Variants in MAD1L1 observed in about 807,000 individuals in gnomAD.
MAD1L1 encodes mitotic arrest deficient 1 like 1.
Under a neutral mutation model 96.9 loss-of-function variants are expected in MAD1L1, and 95 were observed. The observed-to-expected ratio is 0.98, with a 90% CI of 0.83 to 1.16. The LOEUF (loss-of-function observed/expected upper bound fraction) is 1.16, where lower values mean the gene tolerates loss of function less well. Ranked by LOEUF, MAD1L1 falls within the 50% of genes most tolerant of loss-of-function variation. The pLI is 0.00. For missense variants in MAD1L1, 1,007 were observed against 954.4 expected (o/e 1.06, Z -0.73); for synonymous variants, 473 against 396.6 (o/e 1.19, Z -2.29).
intron 13 of MAD1L1, among the ~76,000 whole-genome samples, chr7:2,005,110 G>A (rs948951492): frequency 6.6e-6 from 1 of 152,144 alleles, no homozygotes; most frequent in Non-Finnish European, 1.5e-5. Context: ...GCTATGGCTC[G>A]GCTCACACGC....
chr7:2,055,478 A>G (rs1784349150), intron 12 of MAD1L1, among the ~76,000 whole-genome samples: 1 of 152,106 alleles, frequency 6.6e-6, no homozygotes, highest in Admixed American at 6.5e-5. Flanking sequence ...AGAGCTACCA[A>G]GTCACACTCA....
At chr7:1,951,141 A>G (rs990429679) in intron 16 of MAD1L1, among the ~76,000 whole-genome samples, 3 of 152,242 alleles carry the variant, frequency 2.0e-5, no homozygotes, top group African/African-American at 7.2e-5. Flanking sequence ...GATGAGCAGG[A>G]GCCCTGGACA....
At chr7:2,164,511 T>C (rs1424443635) in intron 10 of MAD1L1, among the ~76,000 whole-genome samples, 2 of 145,734 alleles carry the variant, frequency 1.4e-5, no homozygotes, top group East Asian at 4.1e-4. Flanking sequence ...GCCTATCAGG[T>C]TGTAGGTCAC....
At chr7:2,174,929 G>A (rs778625251) in intron 10 of MAD1L1, among the ~76,000 whole-genome samples, 13 of 152,062 alleles carry the variant, frequency 8.5e-5, no homozygotes, top group Non-Finnish European at 1.8e-4. Context: ...CGACTGTGAC[G>A]GCCACCTGTA....
Position 2,230,092 on chromosome 7 carries a change from C to G in MAD1L1, c.42G>C (p.Leu14=). 6.2e-7 allele frequency: 1 copy of G among 1,609,494 alleles called. No individual in the cohort carries two copies. Among genetic ancestry groups the G allele is most frequent in the East Asian group, 2.2e-5 (1 of 44,790 alleles). ...LGENTMVLST[L]RSLNNFISQR... ...GAGAGATGAAGTTGTTCAAAGATCTCAGGGTGGATAAAACCATGGTGTTTT... is the reference window on the plus strand; with the variant it reads ...GAGAGATGAAGTTGTTCAAAGATCTGAGGGTGGATAAAACCATGGTGTTTT... Residue 14 remains leucine, a synonymous_variant, in exon 3 of 19, where the codon CTG becomes CTC. Transcript: ENST00000265854.
intron 12 of MAD1L1, among the ~76,000 whole-genome samples, chr7:2,035,256 CGGG>C: frequency 7.2e-6 from 1 of 139,274 alleles, no homozygotes; most frequent in African/African-American, 3.1e-5. Context: ...GGCATGAGCG[CGGG>C]AGCGCTGACA....
chr7:1,928,791 G>A (rs893922920), intron 17 of MAD1L1, among the ~76,000 whole-genome samples: 1 of 152,182 alleles, frequency 6.6e-6, no homozygotes, highest in South Asian at 2.1e-4. Context: ...CGTGAGAGCT[G>A]GGCACTGATT....
intron 17 of MAD1L1, among the ~76,000 whole-genome samples, chr7:1,898,900 C>A (rs571011297): frequency 6.6e-6 from 1 of 152,326 alleles, no homozygotes; most frequent in African/African-American, 2.4e-5. Context: ...TCCTGACCAT[C>A]CATTCCCAGG....
intron 12 of MAD1L1, among the ~76,000 whole-genome samples, chr7:2,061,269 G>A (rs1174814304): frequency 2.6e-5 from 4 of 152,178 alleles, no homozygotes; most frequent in African/African-American, 4.8e-5. Flanking sequence ...CCCGGGAGGC[G>A]GAGGTGGCAG....
At chr7:1,909,229 GCCAGTGGAGGC>G (rs1357602059) in intron 17 of MAD1L1, among the ~76,000 whole-genome samples, 2 of 152,184 alleles carry the variant, frequency 1.3e-5, no homozygotes, top group Admixed American at 6.5e-5. Flanking sequence ...GACACAGGAA[GCCAGTGGAGGC>G]CCAGGGCTGG....
At chr7:2,195,245 A>G (rs972938050) in intron 10 of MAD1L1, among the ~76,000 whole-genome samples, 3 of 152,210 alleles carry the variant, frequency 2.0e-5, no homozygotes, top group Non-Finnish European at 4.4e-5. Flanking sequence ...ATAGCTACCA[A>G]TGACACTCTT....
chr7:1,898,362 C>T lies in MAD1L1; in HGVS notation c.1836G>A (p.Glu612=). 4 of 1,613,982 alleles carry T rather than the reference C, an allele frequency of 2.5e-6. No individual in the cohort carries two copies. The highest frequency in any genetic ancestry group is 3.4e-6 in the Non-Finnish European group (4 of 1,179,990). The change falls in exon 18 of 19, where the codon GAG becomes GAA. Residue 612 remains glutamate (E), a synonymous_variant. Transcript: ENST00000265854. ...CCTCCTTGAGCCGCTGGTTCTTCAG[C>T]TCGGCACTCTCCACCTGCTTCTTCA... ...AELKKQVESA[E]LKNQRLKEVF...
At chr7:1,851,401 C>T (rs535311006) in intron 18 of MAD1L1, among the ~76,000 whole-genome samples, 3 of 152,310 alleles carry the variant, frequency 2.0e-5, no homozygotes, top group East Asian at 3.9e-4. Context: ...ACAGGGAGGC[C>T]GTGCTGGGAC....
At chr7:2,172,333 C>G (rs904376387) in intron 10 of MAD1L1, among the ~76,000 whole-genome samples, 4 of 152,196 alleles carry the variant, frequency 2.6e-5, no homozygotes, top group African/African-American at 9.6e-5. Context: ...CGCTGGGAAG[C>G]TGCAGAATCC....
At chr7:2,138,134 C>T (rs1468248909) in intron 11 of MAD1L1, among the ~76,000 whole-genome samples, 3 of 152,368 alleles carry the variant, frequency 2.0e-5, no homozygotes, top group East Asian at 1.9e-4. Context: ...CCTGACACTG[C>T]GGACCTGAGA....
At chr7:1,827,249 G>A (rs1782442366) in intron 18 of MAD1L1, among the ~76,000 whole-genome samples, 1 of 152,240 alleles carries the variant, frequency 6.6e-6, no homozygotes, top group African/African-American at 2.4e-5. Context: ...ACAGGGACTG[G>A]CCCCGAGGGC....
At chr7:1,882,364 AC>A (rs1053058294) in intron 18 of MAD1L1, among the ~76,000 whole-genome samples, 8 of 152,186 alleles carry the variant, frequency 5.3e-5, no homozygotes, top group Non-Finnish European at 1.0e-4. Flanking sequence ...AATTCAGGGG[AC>A]CCAGAGAGGC....
chr7:2,064,545 G>T (rs532603492), intron 12 of MAD1L1, among the ~76,000 whole-genome samples: 1 of 152,360 alleles, frequency 6.6e-6, no homozygotes, highest in African/African-American at 2.4e-5. Flanking sequence ...GAGGACAGAG[G>T]CTTCTCCCCG....
intron 12 of MAD1L1, among the ~76,000 whole-genome samples, chr7:2,064,365 C>G (rs2128525765): frequency 6.6e-6 from 1 of 152,136 alleles, no homozygotes; most frequent in East Asian, 1.9e-4. Context: ...CGCAGGGGTC[C>G]CTGAGCTAAG....
Sources: allele counts gnomAD v4.1 joint callset (sites outside exome capture counted in the v4.1 genomes callset), GRCh38; gene constraint gnomAD v4.1.1; transcripts MANE v1.5; gene names NCBI Gene and HGNC (gene_info 2026-07-23, HGNC 2026-07-21).